OPRM1: variants seen among roughly 807,000 people sequenced by gnomAD.
The protein encoded by OPRM1 is opioid receptor mu 1.
Under a neutral mutation model 31.8 loss-of-function variants are expected in OPRM1, and 27 were observed. The observed-to-expected ratio is 0.85, with a 90% CI of 0.63 to 1.17. OPRM1 has a LOEUF of 1.17. Ranked by LOEUF, OPRM1 falls within the 50% of genes most tolerant of loss-of-function variation. The pLI is 0.00. For synonymous variants in OPRM1, 196 were observed against 189.9 expected (o/e 1.03, Z -0.26); for missense variants, 536 against 511.1 (o/e 1.05, Z -0.47).
intron 1 of OPRM1, among the ~76,000 whole-genome samples, chr6:154,069,105 C>A (rs1786090165): frequency 6.6e-6 from 1 of 152,112 alleles, no homozygotes; most frequent in Admixed American, 6.6e-5. Flanking sequence ...TGGATATCAG[C>A]CCCTTATCAG....
intron 3 of OPRM1, among the ~76,000 whole-genome samples, chr6:154,231,000 C>T (rs765551783): frequency 1.3e-5 from 2 of 152,086 alleles, no homozygotes; most frequent in Non-Finnish European, 2.9e-5. Flanking sequence ...CTGAATCAGC[C>T]GAAACTGCAA....
At chr6:154,151,105 A>G (rs945054309) in intron 3 of OPRM1, among the ~76,000 whole-genome samples, 4 of 152,138 alleles carry the variant, frequency 2.6e-5, no homozygotes, top group African/African-American at 4.8e-5. Context: ...TGTTGTCCCA[A>G]TTGGCATGCA....
intron 1 of OPRM1, 151 bp downstream of exon 1, chr6:154,039,985 G>T: frequency 1.7e-6 from 1 of 583,164 alleles, no homozygotes; most frequent in Non-Finnish European, 2.8e-6. Flanking sequence ...GACAGTGATT[G>T]TTATTTCTAT....
chr6:154,181,554 A>G (rs9479779), intron 3 of OPRM1, among the ~76,000 whole-genome samples: 9,291 of 152,302 alleles, frequency 0.061, 348 homozygotes, highest in African/African-American at 0.083. Flanking sequence ...TGAAGACTAT[A>G]TATTTCAAAT....
intron 3 of OPRM1, chr6:154,107,382 A>G (rs1165482334): frequency 4.4e-6 from 3 of 683,904 alleles, no homozygotes; most frequent in Non-Finnish European, 5.4e-6. Flanking sequence ...GCTTAGAGAA[A>G]GGAAAATTTC....
At chr6:154,213,762 G>A (rs947604220) in intron 3 of OPRM1, among the ~76,000 whole-genome samples, 2 of 152,090 alleles carry the variant, frequency 1.3e-5, no homozygotes, top group African/African-American at 2.4e-5. Flanking sequence ...CTAAAAATAT[G>A]GCCTGTGTCC....
At chr6:154,141,778 C>G (rs1275062481) in intron 3 of OPRM1, among the ~76,000 whole-genome samples, 1 of 152,204 alleles carries the variant, frequency 6.6e-6, no homozygotes, top group African/African-American at 2.4e-5. Flanking sequence ...CCAAAGGAGG[C>G]CATCAGATAT....
intron 1 of OPRM1, among the ~76,000 whole-genome samples, chr6:154,025,274 C>A (rs376904835): frequency 6.6e-6 from 1 of 151,974 alleles, no homozygotes; most frequent in Non-Finnish European, 1.5e-5. Context: ...TATATAGTAA[C>A]CTTCTTTGTC....
At chr6:154,084,919 C>CACAT (rs1790159822) in intron 1 of OPRM1, among the ~76,000 whole-genome samples, 1 of 52,444 alleles carries the variant, frequency 1.9e-5, no homozygotes, top group East Asian at 4.0e-4. Flanking sequence ...TGGAATTAAA[C>CACAT]ACACACACAC....
chr6:154,093,320 G>T, intron 3 of OPRM1: 1 of 1,613,786 alleles, frequency 6.2e-7, no homozygotes, highest in South Asian at 1.1e-5. Context: ...AAGGCTGCTT[G>T]GTTGTGTACC....
chr6:154,046,591 A>C (rs1200802828), intron 1 of OPRM1: 2 of 152,214 alleles, frequency 1.3e-5, no homozygotes, highest in Non-Finnish European at 2.9e-5. Flanking sequence ...AGGAAACGTC[A>C]TATACAACAA....
intron 1 of OPRM1, chr6:154,087,148 C>T: frequency 1.0e-6 from 1 of 985,390 alleles, no homozygotes; most frequent in Non-Finnish European, 1.2e-6. Context: ...GCCCCCAAGT[C>T]TGAAAATGTG....
rs536207639 is a variant in OPRM1, at chr6:154,168,614, A to AT, written c.1164+77150dup. 1.3e-5 allele frequency among the ~76,000 whole-genome samples: 2 copies of AT among 150,818 alleles called. No homozygotes were observed. Among genetic ancestry groups the AT allele is most frequent in the Non-Finnish European group, 3.0e-5 (2 of 67,764 alleles). Reference sequence around the variant, plus strand: ...TAATTAATTAATTAATTTTATTATTATTTTTTTTGAGACGGAGTTTTACTG... The same window carrying AT: ...TAATTAATTAATTAATTTTATTATTATTTTTTTTTGAGACGGAGTTTTACTG... On this transcript the variant is annotated intron_variant, in intron 3 of 3. Coordinates refer to the OPRM1 transcript ENST00000337049. This position sits in a 1 kb window ranked among gnomAD's most constrained non-coding sequence, Gnocchi z 4.1.
intron 3 of OPRM1, among the ~76,000 whole-genome samples, chr6:154,200,729 A>G (rs1415136879): frequency 1.3e-5 from 2 of 152,192 alleles, no homozygotes; most frequent in Non-Finnish European, 2.9e-5. Flanking sequence ...TCCAGAAAAG[A>G]AAAAGAGAGC....
intron 1 of OPRM1, among the ~76,000 whole-genome samples, chr6:154,072,034 T>G (rs1786871034): frequency 6.6e-6 from 1 of 152,204 alleles, no homozygotes; most frequent in Non-Finnish European, 1.5e-5. Flanking sequence ...TCAGGGACTT[T>G]TTTTTGGTCT....
At chr6:154,197,269 A>G (rs1225468836) in intron 3 of OPRM1, among the ~76,000 whole-genome samples, 1 of 152,158 alleles carries the variant, frequency 6.6e-6, no homozygotes, top group East Asian at 1.9e-4. Flanking sequence ...ACACATAAAC[A>G]CACATGTAAA....
rs1232072550 is a variant in OPRM1 at position 154,129,627 on chromosome 6, A to G, written c.*10906A>G. Among the ~76,000 whole-genome samples the G allele has an allele frequency of 6.6e-6, 1 of 152,208 alleles. No homozygotes were observed. The highest frequency in any genetic ancestry group is 1.5e-5 in the Non-Finnish European group (1 of 68,032). ...AGATGTGTATTTTAGTTCTCATAAGAACATCTACATTCATTTGAAAAATAG... is the reference window on the plus strand; with the variant it reads ...AGATGTGTATTTTAGTTCTCATAAGGACATCTACATTCATTTGAAAAATAG... On this transcript the variant is annotated 3_prime_UTR_variant, in exon 4 of 4. Transcript: ENST00000330432.
intron 3 of OPRM1, chr6:154,246,614 G>A: frequency 6.2e-7 from 1 of 1,613,672 alleles, no homozygotes; most frequent in Non-Finnish European, 8.5e-7. Flanking sequence ...TACCAGTACA[G>A]TGACGACCCC....
intron 3 of OPRM1, among the ~76,000 whole-genome samples, chr6:154,207,634 C>T (rs1467770104): frequency 6.6e-6 from 1 of 152,050 alleles, no homozygotes; most frequent in East Asian, 1.9e-4. Flanking sequence ...AACTCTGGGG[C>T]TCAAGCCATC....
Sources: gnomAD v4.1 joint callset for allele counts (sites outside exome capture counted in the v4.1 genomes callset) on GRCh38, gnomAD v4.1.1 for gene constraint, Gnocchi (gnomAD v3.1) non-coding constraint, MANE v1.5 for transcripts, NCBI Gene and HGNC (gene_info 2026-07-23, HGNC 2026-07-21) for gene names.